The following NRDC variants were observed in gnomAD, a reference collection of about 807,000 sequenced individuals.
The protein encoded by NRDC is nardilysin.
In NRDC, 54 loss-of-function variants were observed where a neutral mutation model predicts 147.1. The ratio of observed to expected loss-of-function variants is 0.37; its 90% CI spans 0.29 to 0.46. The LOEUF is 0.46. NRDC is among the 20% of genes least tolerant of loss of function. The pLI, the probability that NRDC is intolerant of heterozygous loss-of-function variation, is 1.00. For missense variants in NRDC, 1,082 were observed against 1,370.6 expected, an observed-to-expected ratio of 0.79 and a Z score of 3.33; for synonymous variants, 440 against 482.1, an observed-to-expected ratio of 0.91 and a Z score of 1.14.
intron 20 of NRDC, 126 bp from the exon 21 acceptor site, chr1:51,800,809 G>T: frequency 2.3e-6 from 2 of 863,356 alleles, no homozygotes; most frequent in Non-Finnish European, 3.5e-6. Flanking sequence ...GGGGACATAA[G>T]AAAATTACTA....
intron 10 of NRDC, among the ~76,000 whole-genome samples, chr1:51,817,031 C>T (rs1052805688): frequency 2.6e-5 from 4 of 152,092 alleles, no homozygotes; most frequent in African/African-American, 9.7e-5. Flanking sequence ...TCCCCCTGGC[C>T]TCTACTGTAA....
chr1:51,850,463 T>C (rs186565266), intron 1 of NRDC, among the ~76,000 whole-genome samples: 102 of 152,350 alleles, frequency 6.7e-4, no homozygotes, highest in African/African-American at 2.3e-3. Flanking sequence ...AGGGACACCT[T>C]TTAAGGGCCT....
intron 1 of NRDC, among the ~76,000 whole-genome samples, chr1:51,858,782 T>C (rs192901751): frequency 1.3e-5 from 2 of 152,280 alleles, no homozygotes; most frequent in African/African-American, 4.8e-5. Flanking sequence ...CCTACCCAAC[T>C]AAAATATACC....
At chr1:51,847,473 C>T (rs2994533) in intron 1 of NRDC, among the ~76,000 whole-genome samples, 3,414 of 152,292 alleles carry the variant, frequency 0.022, 115 homozygotes, top group African/African-American at 0.078. Context: ...GAGACCACGG[C>T]GGGGTGGGAG....
chr1:51,876,489 T>C (rs1683334700), intron 1 of NRDC, among the ~76,000 whole-genome samples: 1 of 152,234 alleles, frequency 6.6e-6, no homozygotes, highest in Admixed American at 6.5e-5. Context: ...ACAAAGTTTG[T>C]GTACATGAAC....
intron 1 of NRDC, among the ~76,000 whole-genome samples, chr1:51,856,262 T>A (rs1682236288): frequency 1.3e-5 from 2 of 152,202 alleles, no homozygotes; most frequent in African/African-American, 2.4e-5. Context: ...AAGTCTTCTG[T>A]GACCAAATCC....
chr1:51,814,620 A>C lies in NRDC; in HGVS notation c.1561-11T>G. The stretch of plus-strand genomic sequence containing the variant: ...GACAGTGTAAGCAACCTGAAAACAA[A>C]ACATCCAATTAGTCTTTTGCATAAA... On this transcript the variant is annotated splice_polypyrimidine_tract_variant and intron_variant, in intron 12 of 30. Coordinates refer to ENST00000352171, the MANE Select transcript of NRDC (RefSeq NM_001101662.2). The C allele has an allele frequency of 6.2e-7, 1 of 1,612,458 alleles. No homozygotes were observed. Among genetic ancestry groups the C allele is most frequent in the Non-Finnish European group, 8.5e-7 (1 of 1,178,672 alleles).
intron 4 of NRDC, among the ~76,000 whole-genome samples, chr1:51,832,368 A>C (rs962747892): frequency 6.6e-6 from 1 of 152,022 alleles, no homozygotes; most frequent in African/African-American, 2.4e-5. Context: ...AAAATATTAG[A>C]TCTCTATCAT....
rs556019563 is a variant in NRDC at position 51,851,424 on chromosome 1, C to T, written c.342-10910G>A. Among the ~76,000 whole-genome samples the T allele has an allele frequency of 6.6e-5, 10 of 151,620 alleles. No individual in the cohort carries two copies. The South Asian group carries it at 1.0e-3, about 16-fold the overall frequency. On this transcript the variant is annotated intron_variant, in intron 1 of 30. Coordinates refer to ENST00000352171, the MANE Select transcript of NRDC (RefSeq NM_001101662.2). The stretch of plus-strand genomic sequence containing the variant: ...TTAAAGGTTTGTCACCTAGGTTTTG[C>T]GACAAACCTTTAATGCCTTGTCCAG...
chr1:51,792,132 C>A (rs1420843372), intron 25 of NRDC, 34 bp from the exon 26 acceptor site: 7 of 1,612,794 alleles, frequency 4.3e-6, no homozygotes, highest in Middle Eastern at 1.8e-4. Flanking sequence ...CAGCCCAACT[C>A]CTCCCAGCAG....
intron 1 of NRDC, among the ~76,000 whole-genome samples, chr1:51,866,023 C>A (rs35256256): frequency 0.25 from 37,194 of 151,496 alleles, 5,721 homozygotes; most frequent in Non-Finnish European, 0.34. Flanking sequence ...TTTGCCACTG[C>A]ACAGCCTGGG....
At chr1:51,823,537 T>A in intron 7 of NRDC, 127 bp downstream of exon 7, 1 of 629,694 alleles carries the variant, frequency 1.6e-6, no homozygotes, top group Non-Finnish European at 2.5e-6. Context: ...AAGTTCTGAT[T>A]TCCTTTACTT....
At chr1:51,797,209 A>C (rs1262765154) in intron 22 of NRDC, among the ~76,000 whole-genome samples, 2 of 152,022 alleles carry the variant, frequency 1.3e-5, no homozygotes, top group Non-Finnish European at 2.9e-5. Flanking sequence ...TCAGAAAAAA[A>C]AGGGGTACAG....
chr1:51,829,780 C>G (rs1680618934), intron 4 of NRDC, among the ~76,000 whole-genome samples: 1 of 152,014 alleles, frequency 6.6e-6, no homozygotes, highest in African/African-American at 2.4e-5. Context: ...TTAATTCCTT[C>G]TGTCTTATCT....
chr1:51,834,367 T>C (rs1680848226), intron 3 of NRDC, among the ~76,000 whole-genome samples, 197 bp from the exon 4 acceptor site: 1 of 151,516 alleles, frequency 6.6e-6, no homozygotes, highest in Admixed American at 6.6e-5. Context: ...GGTGCAATCT[T>C]GGCTCACTGC....
At chr1:51,868,258 A>G (rs969484535) in intron 1 of NRDC, among the ~76,000 whole-genome samples, 33 of 152,214 alleles carry the variant, frequency 2.2e-4, no homozygotes, top group African/African-American at 7.7e-4. Flanking sequence ...AGGGCCACAC[A>G]AGAGTCACTA....
chr1:51,871,515 T>TAA (rs60495773), intron 1 of NRDC, among the ~76,000 whole-genome samples: 21 of 21,020 alleles, frequency 1.0e-3, no homozygotes, highest in African/African-American at 2.5e-3. Flanking sequence ...ACTGGTTCAT[T>TAA]AAAAAAAAAA....
At chr1:51,804,180 G>C (rs1026551738) in intron 19 of NRDC, among the ~76,000 whole-genome samples, 1 of 152,154 alleles carries the variant, frequency 6.6e-6, no homozygotes, top group Non-Finnish European at 1.5e-5. Flanking sequence ...TTCATGTCAT[G>C]TACACATGCA....
chr1:51,854,750 C>CA (rs1485613590), intron 1 of NRDC, among the ~76,000 whole-genome samples: 1 of 152,138 alleles, frequency 6.6e-6, no homozygotes, highest in Non-Finnish European at 1.5e-5. Flanking sequence ...ATAGCGAGAC[C>CA]CCATCTCTAA....
Sources: gnomAD v4.1 joint callset for allele counts (sites outside exome capture counted in the v4.1 genomes callset) on GRCh38, gnomAD v4.1.1 for gene constraint, MANE v1.5 for transcripts, NCBI Gene and HGNC (gene_info 2026-07-23, HGNC 2026-07-21) for gene names.